ACTN1: variants seen among roughly 807,000 people sequenced by gnomAD.
ACTN1 encodes actinin alpha 1.
ACTN1 carries 30 observed loss-of-function variants against 119.6 expected under a neutral mutation model. The observed-to-expected ratio is 0.25, with a 90% CI of 0.19 to 0.34. The LOEUF is 0.34. Ranked by LOEUF, ACTN1 falls within the 10% of genes least tolerant of loss-of-function variation. The pLI is 1.00. For missense variants in ACTN1, 764 were observed against 1,223.4 expected (o/e 0.62, Z 5.60); for synonymous variants, 429 against 472.6 (o/e 0.91, Z 1.20).
rs746777093 is a variant in ACTN1, at chr14:68,880,050, A to G, written c.2192T>C (p.Val731Ala). The change falls in exon 18 of 22, where the codon GTA becomes GCA. Residue 731 changes from valine to alanine, a missense_variant. Val to Ala is a moderately conservative substitution (Grantham distance 64). Coordinates refer to ENST00000394419, the MANE Select transcript of ACTN1 (RefSeq NM_001130004.2). This position sits in a 1 kb window ranked among gnomAD's most constrained non-coding sequence, Gnocchi z 4.6. ...ATCCCGGGTCAGGATCTGGTTCTCT[A>G]CCTCATTGATGGTCCTGGCGATGGT... The part of the protein sequence containing the change: ...LTTIARTINE[V>A]ENQILTRDAK... The G allele has an allele frequency of 1.9e-6, 3 of 1,614,084 alleles. No individual in the cohort carries two copies. The highest frequency in any genetic ancestry group is 2.5e-6 in the Non-Finnish European group (3 of 1,179,982).
chr14:68,884,042 A>T, intron 14 of ACTN1, 126 bp downstream of exon 14: 1 of 996,064 alleles, frequency 1.0e-6, no homozygotes, highest in Non-Finnish European at 1.4e-6. Context: ...TCAAATGCAA[A>T]GGTTCTGGGT....
chr14:68,935,161 A>T (rs2035428322), intron 1 of ACTN1, among the ~76,000 whole-genome samples: 1 of 149,768 alleles, frequency 6.7e-6, no homozygotes, highest in South Asian at 2.1e-4. Context: ...ACTAGCTGGG[A>T]TTACAGGCAT....
At position 68,878,485 on chromosome 14, in the gene ACTN1, G is replaced by A. The variant is rs1478180722; in HGVS notation, c.2400C>T (p.Ala800=). 6.3e-7 allele frequency: 1 copy of A among 1,577,088 alleles called. No individual in the cohort carries two copies. The highest frequency in any genetic ancestry group is 2.2e-5 in the East Asian group (1 of 44,570). ...TGMMDTDDFR[A]CLISMGYNMG... ...TGTTGTAACCCATGGAGATCAGGCA[G>A]GCGCGGAAATCATCCGTGTCCATCA... The change falls in exon 20 of 22, where the codon GCC becomes GCT. Residue 800 remains alanine, a synonymous_variant. Coordinates refer to ENST00000394419, the MANE Select transcript of ACTN1 (RefSeq NM_001130004.2). This position sits in a 1 kb window ranked among gnomAD's most constrained non-coding sequence, Gnocchi z 4.4.
Position 68,912,143 on chromosome 14 carries a change from A to G in ACTN1, c.427+13T>C, listed in dbSNP as rs1244457616. On this transcript the variant is annotated intron_variant, in intron 4 of 21. Coordinates refer to ENST00000394419, the MANE Select transcript of ACTN1 (RefSeq NM_001130004.2). ...AGATGGTGATGGCGGGATGGAACAA[A>G]GCAGAAACCCACCTTCCACGGAGAT... The G allele has an allele frequency of 1.2e-6, 2 of 1,613,740 alleles. No homozygotes were observed. Among genetic ancestry groups the G allele is most frequent in the Admixed American group, 1.7e-5 (1 of 60,012 alleles).
chr14:68,945,890 C>G lies in ACTN1; in HGVS notation c.106-20218G>C, dbSNP rs114854371. 4.1e-3 allele frequency among the ~76,000 whole-genome samples: 621 copies of G among 152,256 alleles called. 7 individuals are homozygous for G. Among genetic ancestry groups the G allele is most frequent in the African/African-American group, 0.014 (597 of 41,534 alleles). On this transcript the variant is annotated intron_variant, in intron 1 of 21. Coordinates refer to ENST00000394419, the MANE Select transcript of ACTN1 (RefSeq NM_001130004.2). Reference sequence around the variant, plus strand: ...AGCTTCAGAGATCAGGATGTCACTCCCAACCCACTGCCCCAAGTGTTCTAC... The same window carrying G: ...AGCTTCAGAGATCAGGATGTCACTCGCAACCCACTGCCCCAAGTGTTCTAC...
intron 14 of ACTN1, 50 bp from the exon 15 acceptor site, chr14:68,883,105 A>C: frequency 1.3e-6 from 2 of 1,578,852 alleles, no homozygotes; most frequent in Non-Finnish European, 1.7e-6. Flanking sequence ...GGAGCGCTAG[A>C]AGTGAGTGGA....
intron 6 of ACTN1, among the ~76,000 whole-genome samples, chr14:68,905,314 T>C (rs2033600338): frequency 6.6e-6 from 1 of 152,204 alleles, no homozygotes. Flanking sequence ...TTGGCAAGGA[T>C]GTTGAGAAGC....
At chr14:68,887,543 A>G in intron 11 of ACTN1, 3 of 1,293,628 alleles carry the variant, frequency 2.3e-6, no homozygotes, top group Non-Finnish European at 3.1e-6. Flanking sequence ...AAAGCCTCCC[A>G]TAATTCAATA....
In ACTN1 at chr14:68,875,015, G is replaced by C. The variant is rs758714570; in HGVS notation, c.2589C>G (p.Asn863Lys). The change falls in exon 22 of 22, where the codon AAC (asparagine) becomes AAG (lysine). Residue 863 changes from asparagine (N) to lysine (K), a missense_variant and splice_region_variant. Asn to Lys is a moderately conservative substitution (Grantham distance 94, BLOSUM62 0). Coordinates refer to ENST00000394419, the MANE Select transcript of ACTN1 (RefSeq NM_001130004.2). ...ASFKILAGDKNYITMDELRRE... is the reference protein window; with the variant it reads ...ASFKILAGDKKYITMDELRRE... ...GGCGCAGCTCGTCCATGGTAATGTA[G>C]TTCTGCGAGGAGAGAGTGGTCAGGA... is the stretch of plus-strand genomic sequence containing the variant. 2 of 1,612,936 alleles carry C rather than the reference G, an allele frequency of 1.2e-6. No individual in the cohort carries two copies. The highest frequency in any genetic ancestry group is 1.1e-5 in the South Asian group (1 of 91,084).
chr14:68,875,535 G>A (rs2030798811), intron 21 of ACTN1, among the ~76,000 whole-genome samples: 1 of 152,260 alleles, frequency 6.6e-6, no homozygotes, highest in South Asian at 2.1e-4. Flanking sequence ...CAGAAATGCG[G>A]GCCTTGCCCC....
At chr14:68,943,585 G>A (rs1360009869) in intron 1 of ACTN1, among the ~76,000 whole-genome samples, 5 of 152,162 alleles carry the variant, frequency 3.3e-5, no homozygotes, top group Non-Finnish European at 7.4e-5. Flanking sequence ...TTTCAAGATG[G>A]GGACACTGAT....
chr14:68,893,235 T>C (rs1340691901), intron 9 of ACTN1, among the ~76,000 whole-genome samples: 1 of 152,158 alleles, frequency 6.6e-6, no homozygotes. Flanking sequence ...GCCGCTACTT[T>C]TGGTAGCTGT....
In ACTN1 at chr14:68,884,325, G is replaced by C. The variant is rs2031817685; in HGVS notation, c.1495-17C>G. On this transcript the variant is annotated splice_polypyrimidine_tract_variant and intron_variant, in intron 13 of 21. Coordinates refer to ENST00000394419, the MANE Select transcript of ACTN1 (RefSeq NM_001130004.2). Reference sequence around the variant, plus strand: ...CTCGGTCCGCTGGGAGTGCCAAATAGGGTAAGGGTTAGTACAGTGATGTCC... The same window carrying C: ...CTCGGTCCGCTGGGAGTGCCAAATACGGTAAGGGTTAGTACAGTGATGTCC... 6.2e-7 allele frequency: 1 copy of C among 1,612,986 alleles called. No homozygotes were observed. The highest frequency in any genetic ancestry group is 8.5e-7 in the Non-Finnish European group (1 of 1,179,382).
At chr14:68,940,062 C>T (rs1316130873) in intron 1 of ACTN1, among the ~76,000 whole-genome samples, 1 of 152,148 alleles carries the variant, frequency 6.6e-6, no homozygotes, top group Non-Finnish European at 1.5e-5. Context: ...TCCGGGAGGC[C>T]AGTGTGAGAA....
intron 1 of ACTN1, among the ~76,000 whole-genome samples, chr14:68,950,462 G>GTGTGTATATATGTGTA: frequency 4.8e-5 from 6 of 125,932 alleles, no homozygotes; most frequent in African/African-American, 2.1e-4. Flanking sequence ...ATGCGTGTGT[G>GTGTGTATATATGTGTA]TATATATATA....
At chr14:68,935,513 G>A (rs2035456695) in intron 1 of ACTN1, among the ~76,000 whole-genome samples, 1 of 149,324 alleles carries the variant, frequency 6.7e-6, no homozygotes, top group African/African-American at 2.5e-5. Context: ...AGCCTCCTGA[G>A]TTGCTGGGAC....
chr14:68,884,675 CAT>C, intron 13 of ACTN1, 98 bp downstream of exon 13: 1 of 1,046,322 alleles, frequency 9.6e-7, no homozygotes, highest in Non-Finnish European at 1.5e-6. Context: ...CTGGGGAAGC[CAT>C]AGAGTCTTTT....
intron 1 of ACTN1, among the ~76,000 whole-genome samples, chr14:68,952,503 G>C (rs906970603): frequency 6.6e-6 from 1 of 152,222 alleles, no homozygotes; most frequent in Non-Finnish European, 1.5e-5. Context: ...AGTTGTAACT[G>C]TCGGGCTTGG....
chr14:68,875,913 T>G (rs1395966579), intron 21 of ACTN1, among the ~76,000 whole-genome samples: 2 of 152,268 alleles, frequency 1.3e-5, no homozygotes, highest in Non-Finnish European at 2.9e-5. Context: ...AGGGACTTCT[T>G]TGTAGGTTCA....
Sources: allele counts gnomAD v4.1 joint callset (sites outside exome capture counted in the v4.1 genomes callset), GRCh38; gene constraint gnomAD v4.1.1; non-coding constraint Gnocchi (gnomAD v3.1); transcripts MANE v1.5; gene names NCBI Gene and HGNC (gene_info 2026-07-23, HGNC 2026-07-21).